The following ATXN1 variants were observed in gnomAD, a reference collection of about 807,000 sequenced individuals.
ATXN1 encodes the protein ataxin 1, also known as ataxin-1.
In ATXN1, 8 loss-of-function variants were observed where a neutral mutation model predicts 56.4. The observed-to-expected ratio is 0.14, with a 90% CI of 0.08 to 0.26. The LOEUF (loss-of-function observed/expected upper bound fraction) is 0.26, where lower values mean the gene tolerates loss of function less well. Ranked by LOEUF, ATXN1 falls within the 10% of genes least tolerant of loss-of-function variation. ATXN1 has a pLI of 1.00. For missense variants in ATXN1, 987 were observed against 1,106.5 expected (o/e 0.89, Z 1.53); for synonymous variants, 514 against 494.6 (o/e 1.04, Z -0.52).
At chr6:16,743,905 G>C (rs941203700) in intron 2 of ATXN1, among the ~76,000 whole-genome samples, 2 of 152,204 alleles carry the variant, frequency 1.3e-5, no homozygotes, top group Non-Finnish European at 2.9e-5. Context: ...TGAGTGATGA[G>C]GCTGGAGAGA....
At chr6:16,644,225 T>TA (rs1443064745) in intron 3 of ATXN1, among the ~76,000 whole-genome samples, 1 of 152,122 alleles carries the variant, frequency 6.6e-6, no homozygotes, top group Non-Finnish European at 1.5e-5. Context: ...ATTGTACACT[T>TA]AAAAATGGTT....
At chr6:16,465,990 G>A (rs9396677) in intron 6 of ATXN1, among the ~76,000 whole-genome samples, 11,244 of 152,166 alleles carry the variant, frequency 0.074, 687 homozygotes, top group East Asian at 0.28. Context: ...CTGTGTCCAG[G>A]AAGCTGAGAT....
chr6:16,573,876 A>C (rs1257003819), intron 4 of ATXN1, among the ~76,000 whole-genome samples: 1 of 152,056 alleles, frequency 6.6e-6, no homozygotes, highest in Non-Finnish European at 1.5e-5. Flanking sequence ...TCTCATAGGA[A>C]GCTCTTCCTG....
intron 6 of ATXN1, among the ~76,000 whole-genome samples, chr6:16,444,937 G>C (rs915881096): frequency 6.6e-6 from 1 of 152,094 alleles, no homozygotes; most frequent in Non-Finnish European, 1.5e-5. Context: ...GGAGACAGAG[G>C]GACATGCTTA....
intron 5 of ATXN1, among the ~76,000 whole-genome samples, chr6:16,516,310 A>G (rs1761181678): frequency 6.6e-6 from 1 of 151,922 alleles, no homozygotes; most frequent in South Asian, 2.1e-4. Flanking sequence ...TCATTCTTTT[A>G]CCCTACACGT....
chr6:16,744,627 G>A (rs1230834888), intron 2 of ATXN1, among the ~76,000 whole-genome samples: 1 of 152,154 alleles, frequency 6.6e-6, no homozygotes, highest in Non-Finnish European at 1.5e-5. Context: ...AGGGGCAGGT[G>A]GGAGAAGGGG....
intron 6 of ATXN1, among the ~76,000 whole-genome samples, chr6:16,449,295 G>GT: frequency 6.6e-6 from 1 of 152,266 alleles, no homozygotes; most frequent in Admixed American, 6.5e-5. Context: ...ATTTTGGTAT[G>GT]TAATAAATAA....
chr6:16,436,706 G>T (rs1404038561), intron 6 of ATXN1, among the ~76,000 whole-genome samples: 1 of 151,874 alleles, frequency 6.6e-6, no homozygotes, highest in Non-Finnish European at 1.5e-5. Context: ...GGGGTGGGGA[G>T]CAGGAAATGA....
intron 4 of ATXN1, among the ~76,000 whole-genome samples, chr6:16,530,371 C>G (rs1197744321): frequency 6.6e-6 from 1 of 152,128 alleles, no homozygotes; most frequent in Non-Finnish European, 1.5e-5. Flanking sequence ...AAGAAAAGGG[C>G]CTGAAAGTTT....
intron 6 of ATXN1, among the ~76,000 whole-genome samples, chr6:16,332,645 C>A (rs952824765): frequency 3.3e-5 from 5 of 152,182 alleles, no homozygotes; most frequent in African/African-American, 1.2e-4. Flanking sequence ...TTTAAACATT[C>A]CTATTGGAAA....
In ATXN1 at chr6:16,699,113, T is replaced by C. The variant is rs1299924720; in HGVS notation, c.-614-41212A>G. ...CAAGGAATAAATGTGGGGCTACAGTTCATCTGTATGTGCCAGCATGTTACT... is the reference window on the plus strand; with the variant it reads ...CAAGGAATAAATGTGGGGCTACAGTCCATCTGTATGTGCCAGCATGTTACT... On this transcript the variant is annotated intron_variant, in intron 2 of 7. Transcript: ENST00000436367. Among the ~76,000 whole-genome samples the C allele has an allele frequency of 2.6e-5, 4 of 152,336 alleles. No homozygotes were observed. The East Asian group carries it at 5.8e-4, about 22-fold the overall frequency.
intron 4 of ATXN1, among the ~76,000 whole-genome samples, chr6:16,549,092 A>T (rs1415449190): frequency 6.6e-6 from 1 of 152,024 alleles, no homozygotes; most frequent in African/African-American, 2.4e-5. Flanking sequence ...ATCTCCTATG[A>T]CAACAGTGCC....
chr6:16,652,697 C>T (rs544971227), intron 3 of ATXN1, among the ~76,000 whole-genome samples: 10 of 152,296 alleles, frequency 6.6e-5, no homozygotes, highest in South Asian at 2.1e-4. Context: ...AAACAGCCCT[C>T]GCTCCCATCA....
At chr6:16,656,892 T>C (rs771638745) in intron 3 of ATXN1, among the ~76,000 whole-genome samples, 12 of 152,120 alleles carry the variant, frequency 7.9e-5, no homozygotes, top group Non-Finnish European at 2.9e-5. Flanking sequence ...TAGTGAATAC[T>C]GTAGGCAACT....
intron 6 of ATXN1, among the ~76,000 whole-genome samples, chr6:16,458,890 A>G (rs191061377): frequency 1.6e-4 from 24 of 152,338 alleles, no homozygotes; most frequent in Admixed American, 1.4e-3. Context: ...TGGTGCAAGC[A>G]CCAGCTCATG....
At chr6:16,523,095 T>A (rs1006615353) in intron 4 of ATXN1, among the ~76,000 whole-genome samples, 1 of 152,104 alleles carries the variant, frequency 6.6e-6, no homozygotes, top group Admixed American at 6.5e-5. Flanking sequence ...AGAGATGGGG[T>A]CTCACTATGT....
intron 7 of ATXN1, among the ~76,000 whole-genome samples, chr6:16,313,171 T>A (rs1457261938): frequency 6.6e-6 from 1 of 152,188 alleles, no homozygotes; most frequent in Non-Finnish European, 1.5e-5. Flanking sequence ...TGAGCTACCA[T>A]GCCTGGCCTG....
At chr6:16,611,411 G>GA (rs1348738452) in intron 3 of ATXN1, among the ~76,000 whole-genome samples, 2 of 152,028 alleles carry the variant, frequency 1.3e-5, no homozygotes, top group Non-Finnish European at 2.9e-5. Flanking sequence ...AAATATCAAG[G>GA]AATCATAAAA....
Position 16,760,152 on chromosome 6 carries a change from G to A in ATXN1, c.-730+1146C>T, listed in dbSNP as rs1163476491. 6.6e-6 allele frequency among the ~76,000 whole-genome samples: 1 copy of A among 151,796 alleles called. No individual in the cohort carries two copies. Among genetic ancestry groups the A allele is most frequent in the East Asian group, 2.0e-4 (1 of 5,102 alleles). The stretch of plus-strand genomic sequence containing the variant: ...CGTAGGAGGAGGCGGCGGCGCCCCC[G>A]GGAGTGGCAGAGTCTCCGGCCCGGC... On this transcript the variant is annotated intron_variant, in intron 1 of 7. Transcript: ENST00000436367. This position sits in a 1 kb window ranked among gnomAD's most constrained non-coding sequence, Gnocchi z 5.3.
Sources: gnomAD v4.1 joint callset for allele counts (sites outside exome capture counted in the v4.1 genomes callset) on GRCh38, gnomAD v4.1.1 for gene constraint, Gnocchi (gnomAD v3.1) non-coding constraint, MANE v1.5 for transcripts, NCBI Gene and HGNC (gene_info 2026-07-23, HGNC 2026-07-21) for gene names.